Variants in RBFOX1 observed in about 807,000 individuals in gnomAD.
RBFOX1 encodes the protein RNA binding protein fox-1 homolog 1.
In RBFOX1, 8 loss-of-function variants were observed where a neutral mutation model predicts 57.7. The observed-to-expected ratio is 0.14, with a 90% CI of 0.08 to 0.25. RBFOX1 has a LOEUF of 0.25. RBFOX1 is among the 10% of genes least tolerant of loss of function. The pLI is 1.00. For synonymous variants in RBFOX1, 326 were observed against 222.4 expected (o/e 1.47, Z -4.15); for missense variants, 611 against 548.5 (o/e 1.11, Z -1.14).
intron 2 of RBFOX1, among the ~76,000 whole-genome samples, chr16:6,538,135 C>G (rs1231539490): frequency 6.6e-6 from 1 of 152,002 alleles, no homozygotes; most frequent in Non-Finnish European, 1.5e-5. Context: ...ATTCACAATG[C>G]TGTGCAATGA....
intron 2 of RBFOX1, among the ~76,000 whole-genome samples, chr16:6,560,340 T>A (rs4264394): frequency 1.1e-5 from 1 of 87,424 alleles, no homozygotes; most frequent in Non-Finnish European, 2.9e-5. Flanking sequence ...GGCAGGAGAG[T>A]GGGGGTGGAA....
intron 5 of RBFOX1, among the ~76,000 whole-genome samples, chr16:7,519,922 G>C: frequency 6.6e-6 from 1 of 152,164 alleles, no homozygotes; most frequent in South Asian, 2.1e-4. Context: ...GTCTCACTCT[G>C]TTGCCCAGGC....
intron 4 of RBFOX1, among the ~76,000 whole-genome samples, chr16:7,298,687 C>T (rs894009866): frequency 6.6e-6 from 1 of 152,164 alleles, no homozygotes; most frequent in African/African-American, 2.4e-5. Flanking sequence ...TTGTATGTTA[C>T]ATGCATTATA....
At chr16:6,670,543 C>T (rs537211734) in intron 3 of RBFOX1, among the ~76,000 whole-genome samples, 3 of 152,230 alleles carry the variant, frequency 2.0e-5, no homozygotes, top group African/African-American at 7.2e-5. Flanking sequence ...CCAAAGAAAG[C>T]ATAAGTAGAC....
chr16:6,799,226 C>G (rs1311748472), intron 3 of RBFOX1, among the ~76,000 whole-genome samples: 2 of 152,042 alleles, frequency 1.3e-5, no homozygotes, highest in East Asian at 1.9e-4. Flanking sequence ...CCGTGCACAG[C>G]AATATGGCTG....
At chr16:6,664,278 C>G (rs932869003) in intron 3 of RBFOX1, among the ~76,000 whole-genome samples, 1 of 152,186 alleles carries the variant, frequency 6.6e-6, no homozygotes, top group Non-Finnish European at 1.5e-5. Flanking sequence ...CTAAAACTGT[C>G]AATCATCTTC....
intron 1 of RBFOX1, among the ~76,000 whole-genome samples, chr16:5,244,360 C>T (rs2062242568): frequency 6.6e-6 from 1 of 152,196 alleles, no homozygotes; most frequent in Admixed American, 6.5e-5. Flanking sequence ...TCTTGGCTTT[C>T]TGCACAAGAC....
intron 3 of RBFOX1, among the ~76,000 whole-genome samples, chr16:5,627,679 C>G (rs747332885): frequency 1.4e-4 from 22 of 151,994 alleles, no homozygotes; most frequent in Non-Finnish European, 2.8e-4. Flanking sequence ...ATTCAACCAA[C>G]TGAAGGTTGA....
chr16:7,358,546 T>G (rs754999348), intron 4 of RBFOX1, among the ~76,000 whole-genome samples: 13 of 152,024 alleles, frequency 8.6e-5, no homozygotes, highest in Non-Finnish European at 1.6e-4. Context: ...TCAGCCTCCC[T>G]AGCAGCTGGA....
chr16:6,493,401 C>T (rs557968027), intron 2 of RBFOX1, among the ~76,000 whole-genome samples: 3 of 152,192 alleles, frequency 2.0e-5, no homozygotes, highest in South Asian at 2.1e-4. Context: ...TGTCATTCAT[C>T]GCCGGTACTG....
At chr16:6,100,403 C>T (rs1406452277) in intron 1 of RBFOX1, among the ~76,000 whole-genome samples, 1 of 152,188 alleles carries the variant, frequency 6.6e-6, no homozygotes, top group African/African-American at 2.4e-5. Flanking sequence ...ACCGCGTGAT[C>T]CGCCCGCCGC....
At chr16:7,391,935 A>T (rs1419310905) in intron 4 of RBFOX1, among the ~76,000 whole-genome samples, 2 of 152,122 alleles carry the variant, frequency 1.3e-5, no homozygotes, top group Non-Finnish European at 2.9e-5. Context: ...TACCTTATGC[A>T]CTCCATCGCA....
chr16:5,829,761 C>T (rs568876848), intron 3 of RBFOX1, among the ~76,000 whole-genome samples: 4 of 152,172 alleles, frequency 2.6e-5, no homozygotes, highest in African/African-American at 9.7e-5. Context: ...TTGAAATGCA[C>T]CTGTTGCCCC....
At chr16:7,054,213 C>CGGCGG (rs1345662627) in intron 4 of RBFOX1, among the ~76,000 whole-genome samples, 3 of 17,826 alleles carry the variant, frequency 1.7e-4, no homozygotes, top group African/African-American at 1.4e-3. Flanking sequence ...TTTTTTTTTT[C>CGGCGG]GGGGGGGGGG....
intron 5 of RBFOX1, among the ~76,000 whole-genome samples, chr16:7,552,185 G>A (rs1472595647): frequency 3.9e-5 from 6 of 152,036 alleles, no homozygotes; most frequent in Non-Finnish European, 5.9e-5. Context: ...CTTAGATTTT[G>A]TTTCCTGATT....
At chr16:6,826,543 G>A (rs773985360) in intron 3 of RBFOX1, among the ~76,000 whole-genome samples, 3 of 151,936 alleles carry the variant, frequency 2.0e-5, no homozygotes, top group Non-Finnish European at 4.4e-5. Flanking sequence ...CAGTCTTCCG[G>A]GCATACGTGC....
At chr16:5,792,216 T>C (rs2054726306) in intron 3 of RBFOX1, among the ~76,000 whole-genome samples, 1 of 152,232 alleles carries the variant, frequency 6.6e-6, no homozygotes, top group Non-Finnish European at 1.5e-5. Context: ...CTGCTGGCAC[T>C]GAATGGCTTC....
intron 3 of RBFOX1, among the ~76,000 whole-genome samples, chr16:6,937,779 T>G (rs2077628707): frequency 6.6e-6 from 1 of 152,054 alleles, no homozygotes; most frequent in Admixed American, 6.6e-5. Flanking sequence ...GGATGTAGCC[T>G]CCAGGTAGCA....
chr16:6,785,996 C>G (rs1452125588), intron 3 of RBFOX1, among the ~76,000 whole-genome samples: 1 of 152,190 alleles, frequency 6.6e-6, no homozygotes, highest in Non-Finnish European at 1.5e-5. Context: ...ATAGCTGCTC[C>G]TTAAACACCC....
Sources: allele counts gnomAD v4.1 joint callset (sites outside exome capture counted in the v4.1 genomes callset), GRCh38; gene constraint gnomAD v4.1.1; transcripts MANE v1.5; gene names NCBI Gene and HGNC (gene_info 2026-07-23, HGNC 2026-07-21).